FAM3C: variants seen among roughly 807,000 people sequenced by gnomAD.
The protein encoded by FAM3C is FAM3 metabolism regulating signaling molecule C, also known as protein FAM3C.
A neutral mutation model predicts 32.5 loss-of-function variants in FAM3C; 15 were observed. The ratio of observed to expected loss-of-function variants is 0.46; its 90% CI spans 0.31 to 0.71. FAM3C has a LOEUF of 0.71. Ranked by LOEUF, FAM3C falls within the 30% of genes least tolerant of loss-of-function variation. The pLI is 0.05. For synonymous variants in FAM3C, 75 were observed against 86.1 expected, an observed-to-expected ratio of 0.87 and a Z score of 0.72; for missense variants, 175 against 274.4, an observed-to-expected ratio of 0.64 and a Z score of 2.56.
At chr7:121,351,353 A>C in intron 8 of FAM3C, 84 bp from the exon 9 acceptor site, 2 of 1,144,088 alleles carry the variant, frequency 1.7e-6, no homozygotes, top group Non-Finnish European at 2.4e-6. Flanking sequence ...AACACAAAAC[A>C]TGAGACAAAA....
intron 1 of FAM3C, among the ~76,000 whole-genome samples, chr7:121,387,587 A>G (rs186164696): frequency 2.0e-5 from 3 of 152,280 alleles, no homozygotes; most frequent in African/African-American, 7.2e-5. Flanking sequence ...AGTCCTTCCC[A>G]TCCTGTAGAT....
chr7:121,360,837 A>G (rs1192385600), intron 7 of FAM3C, among the ~76,000 whole-genome samples: 1 of 152,202 alleles, frequency 6.6e-6, no homozygotes, highest in East Asian at 1.9e-4. Context: ...CCTGTCTCAA[A>G]AACAAAACAA....
chr7:121,373,648 A>C (rs975165247), intron 3 of FAM3C, among the ~76,000 whole-genome samples: 1 of 152,220 alleles, frequency 6.6e-6, no homozygotes, highest in Admixed American at 6.5e-5. Flanking sequence ...GTTGTTAATA[A>C]TGTCTCAAGT....
chr7:121,387,959 C>T (rs960612087), intron 1 of FAM3C, among the ~76,000 whole-genome samples: 2 of 152,044 alleles, frequency 1.3e-5, no homozygotes, highest in African/African-American at 4.8e-5. Flanking sequence ...TGCAACTATA[C>T]ACACATCTTT....
At chr7:121,364,665 T>C (rs1164691313) in intron 5 of FAM3C, 1 of 153,262 alleles carries the variant, frequency 6.5e-6, no homozygotes, top group African/African-American at 2.4e-5. Context: ...ATTGTGAACA[T>C]TCTCCTAGTG....
intron 1 of FAM3C, among the ~76,000 whole-genome samples, chr7:121,395,831 G>A (rs1378875426): frequency 6.6e-6 from 1 of 152,088 alleles, no homozygotes; most frequent in Admixed American, 6.5e-5. Flanking sequence ...CCAACCTGGG[G>A]AAGATGCGAC....
intron 8 of FAM3C, among the ~76,000 whole-genome samples, chr7:121,352,730 C>A (rs1209787771): frequency 6.6e-6 from 1 of 152,206 alleles, no homozygotes; most frequent in Non-Finnish European, 1.5e-5. Flanking sequence ...CTTGTTTGCT[C>A]ACTTGATAAC....
At chr7:121,365,009 T>C (rs555233370) in intron 5 of FAM3C, among the ~76,000 whole-genome samples, 76 of 152,272 alleles carry the variant, frequency 5.0e-4, no homozygotes, top group African/African-American at 1.7e-3. Context: ...AGAGGCAATA[T>C]GCACATATGT....
In FAM3C at chr7:121,356,438, A is replaced by G. The variant is rs555965202; in HGVS notation, c.467+3605T>C. ...TAGCTTCAAATACCTGAAGTATCAA[A>G]TGATTTGGGGAATACACTTACTGTT... On this transcript the variant is annotated intron_variant, in intron 8 of 9. Coordinates refer to ENST00000359943, the MANE Select transcript of FAM3C (RefSeq NM_014888.3). 2.0e-5 allele frequency among the ~76,000 whole-genome samples: 3 copies of G among 152,330 alleles called. No homozygotes were observed. The South Asian group carries it at 6.2e-4, about 32-fold the overall frequency.
chr7:121,380,621 G>T (rs1343620660), intron 2 of FAM3C, among the ~76,000 whole-genome samples: 4 of 151,662 alleles, frequency 2.6e-5, no homozygotes, highest in African/African-American at 9.7e-5. Context: ...CCTGGATGAT[G>T]AAATAATCTG....
chr7:121,354,230 A>C (rs952686722), intron 8 of FAM3C, among the ~76,000 whole-genome samples: 1 of 152,158 alleles, frequency 6.6e-6, no homozygotes, highest in African/African-American at 2.4e-5. Context: ...TAAAGGTTGG[A>C]GATACAAGCT....
chr7:121,364,813 A>G (rs1268891293), intron 5 of FAM3C, among the ~76,000 whole-genome samples: 1 of 152,104 alleles, frequency 6.6e-6, no homozygotes, highest in Non-Finnish European at 1.5e-5. Context: ...TATAAAGACA[A>G]TGACACTGTA....
chr7:121,361,177 C>G (rs1343112711), intron 7 of FAM3C, among the ~76,000 whole-genome samples: 1 of 152,160 alleles, frequency 6.6e-6, no homozygotes, highest in Non-Finnish European at 1.5e-5. Context: ...ATACATAGGT[C>G]AGATTCTAAA....
rs1794679155 is a variant in FAM3C at position 121,395,801 on chromosome 7, T to C, written c.-42+361A>G. On this transcript the variant is annotated intron_variant, in intron 1 of 9. Coordinates refer to ENST00000359943, the MANE Select transcript of FAM3C (RefSeq NM_014888.3). ...CTCTCGGAGCTCTCAGCCTACACGC[T>C]GCAGGGGCGCGAGCCACAGCCAACC... Among the ~76,000 whole-genome samples, 3 of 151,976 alleles carry C rather than the reference T, an allele frequency of 2.0e-5. No homozygotes were observed. The South Asian group carries it at 6.2e-4, about 31-fold the overall frequency.
At chr7:121,354,396 T>TA (rs1482743006) in intron 8 of FAM3C, among the ~76,000 whole-genome samples, 2 of 152,198 alleles carry the variant, frequency 1.3e-5, no homozygotes, top group Non-Finnish European at 2.9e-5. Flanking sequence ...TAAACCAGGA[T>TA]AGACAGAGAA....
chr7:121,373,679 A>C (rs1794188763), intron 3 of FAM3C, among the ~76,000 whole-genome samples: 1 of 152,196 alleles, frequency 6.6e-6, no homozygotes, highest in Non-Finnish European at 1.5e-5. Context: ...TATACTATAT[A>C]CCAATGGTTT....
chr7:121,357,872 G>C (rs991667006), intron 8 of FAM3C, among the ~76,000 whole-genome samples: 24 of 152,146 alleles, frequency 1.6e-4, no homozygotes, highest in African/African-American at 5.8e-4. Flanking sequence ...ATATTAGCAG[G>C]TTAAGGGGAG....
intron 6 of FAM3C, among the ~76,000 whole-genome samples, chr7:121,363,901 C>T (rs1206781672): frequency 6.6e-6 from 1 of 152,080 alleles, no homozygotes; most frequent in Non-Finnish European, 1.5e-5. Flanking sequence ...TGGTTTCTGA[C>T]AATCTCATGG....
At chr7:121,354,254 A>G (rs1189331144) in intron 8 of FAM3C, among the ~76,000 whole-genome samples, 1 of 152,186 alleles carries the variant, frequency 6.6e-6, no homozygotes, top group African/African-American at 2.4e-5. Context: ...TATTCCACAT[A>G]GGGCACTCTG....
Sources: allele counts gnomAD v4.1 joint callset (sites outside exome capture counted in the v4.1 genomes callset), GRCh38; gene constraint gnomAD v4.1.1; transcripts MANE v1.5; gene names NCBI Gene and HGNC (gene_info 2026-07-23, HGNC 2026-07-21).